Variants in RGS5 observed in about 807,000 individuals in gnomAD.
The protein encoded by RGS5 is regulator of G protein signaling 5, also known as regulator of G-protein signalling 5.
Under a neutral mutation model 18.9 loss-of-function variants are expected in RGS5, and 20 were observed. The observed-to-expected ratio is 1.06, with a 90% confidence interval of 0.74 to 1.54. The LOEUF is 1.54. Among genes scored for constraint, RGS5 ranks in the 40% most tolerant of loss-of-function variants. RGS5 has a pLI of 0.00. For missense variants in RGS5, 201 were observed against 211.8 expected, an observed-to-expected ratio of 0.95 and a Z score of 0.32; for synonymous variants, 57 against 76.2, an observed-to-expected ratio of 0.75 and a Z score of 1.31.
At chr1:163,159,938 T>C (rs1657736927) in intron 3 of RGS5, among the ~76,000 whole-genome samples, 1 of 152,196 alleles carries the variant, frequency 6.6e-6, no homozygotes, top group African/African-American at 2.4e-5. Context: ...TGCATGTATA[T>C]TTTCCCCTCT....
chr1:163,247,584 A>T (rs556685053), intron 2 of RGS5, among the ~76,000 whole-genome samples: 197 of 148,350 alleles, frequency 1.3e-3, no homozygotes, highest in African/African-American at 1.5e-3. Flanking sequence ...AAGTTGATTT[A>T]TATATATATA....
At chr1:163,189,301 A>C (rs1659244425) in intron 1 of RGS5, among the ~76,000 whole-genome samples, 1 of 152,198 alleles carries the variant, frequency 6.6e-6, no homozygotes, top group African/African-American at 2.4e-5. Flanking sequence ...TAAAAACGAT[A>C]AGAGTAGTTA....
chr1:163,168,414 A>C (rs1490618909), intron 1 of RGS5, 46 bp from the exon 2 acceptor site: 1 of 1,330,306 alleles, frequency 7.5e-7, no homozygotes, highest in Non-Finnish European at 1.1e-6. Context: ...ACATGTGCAT[A>C]CAGATTTTAA....
At chr1:163,175,247 G>T (rs1200808054) in intron 1 of RGS5, among the ~76,000 whole-genome samples, 1 of 152,162 alleles carries the variant, frequency 6.6e-6, no homozygotes, top group Non-Finnish European at 1.5e-5. Flanking sequence ...GTTCCGTGCA[G>T]CTGAGAACTA....
intron 2 of RGS5, among the ~76,000 whole-genome samples, chr1:163,162,612 A>G (rs991278158): frequency 6.6e-6 from 1 of 150,908 alleles, no homozygotes; most frequent in South Asian, 2.1e-4. Context: ...AAAAAAAAAG[A>G]GTGGTTAATA....
intron 2 of RGS5, among the ~76,000 whole-genome samples, chr1:163,256,081 A>C (rs35127652): frequency 0.039 from 5,874 of 152,282 alleles, 363 homozygotes; most frequent in African/African-American, 0.13. Context: ...CACCACTCCT[A>C]TTCAACATAG....
At chr1:163,272,486 C>T (rs901626911) in intron 2 of RGS5, among the ~76,000 whole-genome samples, 2 of 151,874 alleles carry the variant, frequency 1.3e-5, no homozygotes, top group African/African-American at 2.4e-5. Flanking sequence ...TTTTGGCTAA[C>T]CCAAAGTCAC....
intron 1 of RGS5, among the ~76,000 whole-genome samples, chr1:163,176,918 A>G (rs1658585070): frequency 6.6e-6 from 1 of 152,230 alleles, no homozygotes; most frequent in African/African-American, 2.4e-5. Flanking sequence ...TAATTCAGCT[A>G]CTTGACCTAA....
intron 1 of RGS5, among the ~76,000 whole-genome samples, chr1:163,319,616 C>T (rs958055630): frequency 6.6e-6 from 1 of 152,124 alleles, no homozygotes; most frequent in Non-Finnish European, 1.5e-5. Flanking sequence ...AATTTATAGA[C>T]AAGATGCACG....
Position 163,300,354 on chromosome 1 carries a change from C to T in RGS5, c.-281+5879G>A, listed in dbSNP as rs143688863. The T allele has an allele frequency of 4.6e-5, 7 of 152,312 alleles. No homozygotes were observed. In the East Asian group the frequency reaches 1.3e-3, roughly 29 times the overall value. 9.4% of individuals were successfully genotyped at this position (152,312 alleles called of 1,614,324 possible). On this transcript the variant is annotated intron_variant, in intron 2 of 5. Transcript: ENST00000618415. ...CTTCTCATTGTTCCCAGACATTGAG[C>T]CCAAGATGTTTCTGTTCTGAATACG...
In RGS5 at chr1:163,265,180, A is replaced by G. The variant is rs187132905; in HGVS notation, c.-281+41053T>C. Among the ~76,000 whole-genome samples, 11 of 152,262 alleles carry G rather than the reference A, an allele frequency of 7.2e-5. No individual in the cohort carries two copies. The East Asian group carries it at 2.1e-3, about 29-fold the overall frequency. On this transcript the variant is annotated intron_variant, in intron 2 of 5. Transcript: ENST00000618415. ...TTACACTTTGTAAACTCTTCAGTGT[A>G]AAGATGGATACCTATTCCATCTCTG... is the stretch of plus-strand genomic sequence containing the variant.
At position 163,314,411 on chromosome 1, in the gene RGS5, A is replaced by C. The variant is rs74812886; in HGVS notation, c.-378+7211T>G. Reference sequence around the variant, plus strand: ...AGAAAACAGGATTTGAAAAAGATATAGAGAACTTAGAAGTGATTTTCTCCT... The same window carrying C: ...AGAAAACAGGATTTGAAAAAGATATCGAGAACTTAGAAGTGATTTTCTCCT... On this transcript the variant is annotated intron_variant, in intron 1 of 5. Coordinates refer to the RGS5 transcript ENST00000618415. 5.9e-3 allele frequency among the ~76,000 whole-genome samples: 891 copies of C among 152,248 alleles called. 11 individuals are homozygous for C. Among genetic ancestry groups the C allele is most frequent in the African/African-American group, 0.021 (852 of 41,560 alleles).
At chr1:163,152,212 C>T (rs1053433989) in intron 4 of RGS5, among the ~76,000 whole-genome samples, 3 of 152,148 alleles carry the variant, frequency 2.0e-5, no homozygotes, top group Non-Finnish European at 4.4e-5. Context: ...ATCCTCACAA[C>T]ATCTCCATAA....
At chr1:163,263,855 A>C (rs12138729) in intron 2 of RGS5, among the ~76,000 whole-genome samples, 7,420 of 150,936 alleles carry the variant, frequency 0.049, 216 homozygotes, top group South Asian at 0.091. Flanking sequence ...TTTAAGTAGG[A>C]TACTAGATGC....
At chr1:163,200,837 TG>T (rs889717693) in intron 1 of RGS5, among the ~76,000 whole-genome samples, 1 of 152,162 alleles carries the variant, frequency 6.6e-6, no homozygotes, top group Non-Finnish European at 1.5e-5. Context: ...AGTTATATCC[TG>T]GTGCATAAGA....
intron 1 of RGS5, among the ~76,000 whole-genome samples, chr1:163,170,296 T>C (rs756909112): frequency 1.3e-5 from 2 of 152,220 alleles, no homozygotes; most frequent in African/African-American, 2.4e-5. Flanking sequence ...TTTTAACCCC[T>C]GTGCCTAGCA....
At chr1:163,172,488 A>C (rs1658347810) in intron 1 of RGS5, 17 of 1,508,020 alleles carry the variant, frequency 1.1e-5, no homozygotes, top group Non-Finnish European at 1.5e-5. Flanking sequence ...AATGATCTAG[A>C]AATCAACTAT....
In RGS5 at chr1:163,202,777, T is replaced by C; in HGVS notation, c.44+15A>G. On this transcript the variant is annotated intron_variant, in intron 1 of 4. Transcript: ENST00000313961. Reference sequence around the variant, plus strand: ...CATATCTGCATCTCTTAAACAAAAATAACTTGGTTCTCACCTTTCCAGGCA... The same window carrying C: ...CATATCTGCATCTCTTAAACAAAAACAACTTGGTTCTCACCTTTCCAGGCA... The C allele has an allele frequency of 1.2e-6, 2 of 1,612,804 alleles. No homozygotes were observed. The highest frequency in any genetic ancestry group is 1.7e-6 in the Non-Finnish European group (2 of 1,179,092).
At chr1:163,280,642 T>A (rs947001252) in intron 2 of RGS5, among the ~76,000 whole-genome samples, 2 of 152,198 alleles carry the variant, frequency 1.3e-5, no homozygotes, top group Non-Finnish European at 2.9e-5. Context: ...AAACTTCCCA[T>A]GATCATGGAC....
Sources: allele counts gnomAD v4.1 joint callset (sites outside exome capture counted in the v4.1 genomes callset), GRCh38; gene constraint gnomAD v4.1.1; transcripts MANE v1.5; gene names NCBI Gene and HGNC (gene_info 2026-07-23, HGNC 2026-07-21).